TBX10: variants seen among roughly 807,000 people sequenced by gnomAD.
TBX10 encodes T-box transcription factor TBX10.
TBX10 carries 26 observed loss-of-function variants against 32.4 expected under a neutral mutation model. That is an observed-to-expected ratio of 0.80 (90% CI 0.59 to 1.11). The LOEUF is 1.11. Among genes scored for constraint, TBX10 ranks in the 50% most tolerant of loss-of-function variants. The pLI is 0.00. For missense variants in TBX10, 490 were observed against 494.5 expected, an observed-to-expected ratio of 0.99 and a Z score of 0.09; for synonymous variants, 195 against 203.1, an observed-to-expected ratio of 0.96 and a Z score of 0.34.
At chr11:67,634,072 C>T in intron 4 of TBX10, 117 bp downstream of exon 4, 1 of 1,487,370 alleles carries the variant, frequency 6.7e-7, no homozygotes, top group African/African-American at 1.4e-5. Context: ...CGGCTCCCCG[C>T]CCTGCCTTGA....
chr11:67,634,671 T>C (rs1667648568), intron 3 of TBX10, 145 bp downstream of exon 3: 7 of 926,672 alleles, frequency 7.6e-6, no homozygotes, highest in Non-Finnish European at 1.2e-5. Context: ...CAGGCTGTTG[T>C]TGCGTGTCTG....
rs1000072502 is a variant in TBX10, at chr11:67,634,329, C to T, written c.409G>A (p.Ala137Thr). 2.5e-6 allele frequency: 4 copies of T among 1,606,762 alleles called. No homozygotes were observed. Among genetic ancestry groups the T allele is most frequent in the Non-Finnish European group, 3.4e-6 (4 of 1,179,830 alleles). Reference sequence around the variant, plus strand: ...GGTGTGGCTGGGTCTGCCTTGCCCGCCACCAGCCAGGCCGAGCTGTGGAAG... The same window carrying T: ...GGTGTGGCTGGGTCTGCCTTGCCCGTCACCAGCCAGGCCGAGCTGTGGAAG... ...YAFHSSAWLV[A>T]GKADPATPGR... The change falls in exon 4 of 8, where the codon GCG (alanine) becomes ACG (threonine). Residue 137 changes from alanine to threonine, a missense_variant. Coordinates refer to ENST00000335385, the MANE Select transcript of TBX10 (RefSeq NM_005995.5).
In TBX10 at chr11:67,632,984, G is replaced by A; in HGVS notation, c.669C>T (p.Thr223=). 6.2e-7 allele frequency: 1 copy of A among 1,614,214 alleles called. No homozygotes were observed. The highest frequency in any genetic ancestry group is 1.3e-5 in the African/African-American group (1 of 75,064). Residue 223 remains threonine, a synonymous_variant, in exon 5 of 8, where the codon ACC becomes ACT. Transcript: ENST00000335385. ...ENFKSFIFTE[T]QFTAVTAYQN... ...GATAGGCTGTCACTGCTGTGAACTG[G>A]GTCTCTGTGAAGATGAAGGACTTGA... is the stretch of plus-strand genomic sequence containing the variant.
chr11:67,641,634 G>A (rs1855407936), upstream of TBX10, among the ~76,000 whole-genome samples: 1 of 152,206 alleles, frequency 6.6e-6, no homozygotes, highest in Non-Finnish European at 1.5e-5. Context: ...CAGGGTGGGG[G>A]TGTAGAGGGC....
chr11:67,638,440 C>T (rs1227011360), intron 1 of TBX10, among the ~76,000 whole-genome samples: 1 of 152,090 alleles, frequency 6.6e-6, no homozygotes, highest in Non-Finnish European at 1.5e-5. Context: ...TGTCCCCACC[C>T]GAGTGGCTTT....
intron 1 of TBX10, 30 bp downstream of exon 1, chr11:67,639,436 A>G (rs1245350079): frequency 4.1e-6 from 6 of 1,476,174 alleles, no homozygotes; most frequent in Non-Finnish European, 5.4e-6. Flanking sequence ...CTGACCCATG[A>G]GGCCACCTCT....
chr11:67,631,496 C>A lies in TBX10; in HGVS notation c.*109G>T, dbSNP rs1218135019. ...CCTCTTTCTCTAGACTTTCACCTAC[C>A]CTGCTCTCCTTGAGACAGAGATGGG... is the stretch of plus-strand genomic sequence containing the variant. On this transcript the variant is annotated 3_prime_UTR_variant, in exon 8 of 8. Coordinates refer to ENST00000335385, the MANE Select transcript of TBX10 (RefSeq NM_005995.5). The A allele has an allele frequency of 2.1e-6, 3 of 1,411,254 alleles. No homozygotes were observed. Among genetic ancestry groups the A allele is most frequent in the African/African-American group, 2.8e-5 (2 of 70,688 alleles). The allele number at this position is 1,411,254 out of a possible 1,614,324, so 87.4% of individuals were successfully genotyped here.
At position 67,631,827 on chromosome 11, in the gene TBX10, T is replaced by G. The variant is rs1591122602; in HGVS notation, c.936A>C (p.Pro312=). The G allele has an allele frequency of 6.3e-7, 1 of 1,584,062 alleles. No individual in the cohort carries two copies. The highest frequency in any genetic ancestry group is 8.6e-7 in the Non-Finnish European group (1 of 1,165,756). The part of the protein sequence containing the change: ...PAWLHHQLLP[P]PEVLLAPATY... ...TGGCCGGGGCCAGCAGGACCTCAGG[T>G]GGGGGCAGCAGCTGATGATGGAGCC... is the stretch of plus-strand genomic sequence containing the variant. Residue 312 remains proline (P), a synonymous_variant, in exon 8 of 8, where the codon CCA becomes CCC. Transcript: ENST00000335385.
rs1426519113 is a variant in TBX10 at position 67,631,726 on chromosome 11, G to A, written c.1037C>T (p.Ala346Val). ...CCGGATGTTGGGGAGGGGGTATGGT[G>A]CTGGTCGGGTCCTTGGGATCCCTAG... is the stretch of plus-strand genomic sequence containing the variant. ...SHLGIPRTRP[A>V]PYPLPNIRAD... Residue 346 changes from alanine to valine, a missense_variant, in exon 8 of 8, where the codon GCA (alanine) becomes GTA (valine). Physicochemically the swap from Ala to Val is moderately conservative, Grantham distance 64. Transcript: ENST00000335385. The A allele has an allele frequency of 6.2e-7, 1 of 1,610,212 alleles. No individual in the cohort carries two copies. The highest frequency in any genetic ancestry group is 8.5e-7 in the Non-Finnish European group (1 of 1,178,678).
chr11:67,633,986 C>T (rs1002230878), intron 4 of TBX10, among the ~76,000 whole-genome samples: 1 of 151,940 alleles, frequency 6.6e-6, no homozygotes, highest in South Asian at 2.1e-4. Context: ...AACATTCCCC[C>T]GCCCCCACCC....
At chr11:67,632,026 C>G (rs1855244817) in intron 7 of TBX10, 132 bp from the exon 8 acceptor site, 1 of 1,336,576 alleles carries the variant, frequency 7.5e-7, no homozygotes, top group Non-Finnish European at 1.0e-6. Context: ...GCTTTTCCCT[C>G]TGCCTGGAAT....
At chr11:67,638,671 C>A (rs1242266827) in intron 1 of TBX10, among the ~76,000 whole-genome samples, 1 of 152,178 alleles carries the variant, frequency 6.6e-6, no homozygotes, top group Non-Finnish European at 1.5e-5. Flanking sequence ...CCTCAGCAGC[C>A]CTGAGAGCTG....
intron 1 of TBX10, 118 bp downstream of exon 1, chr11:67,639,348 C>T: frequency 1.4e-6 from 2 of 1,465,816 alleles, no homozygotes; most frequent in South Asian, 2.4e-5. Flanking sequence ...GTGCCCCTGC[C>T]CCACCCTCTT....
intron 3 of TBX10, 146 bp downstream of exon 3, chr11:67,634,670 G>C (rs1855296041): frequency 7.6e-6 from 7 of 924,268 alleles, no homozygotes; most frequent in Non-Finnish European, 1.2e-5. Flanking sequence ...TCAGGCTGTT[G>C]TTGCGTGTCT....
rs1176047317 is a variant in TBX10 at position 67,634,833 on chromosome 11, CA to C, written c.359del (p.Leu120ArgfsTer54). ...CCCCGCACCTGTATCTCTTGTCGTC[CA>C]GGGGGATGAAGTCCATGAGCAGGGC... ...DYALLMDFIP[L>X]DDKRYRYAFH... On this transcript the variant is annotated frameshift_variant, in exon 3 of 8. Coordinates refer to ENST00000335385, the MANE Select transcript of TBX10 (RefSeq NM_005995.5). LOFTEE classifies it high-confidence loss of function. 2 of 1,613,510 alleles carry C rather than the reference CA, an allele frequency of 1.2e-6. No individual in the cohort carries two copies. Among genetic ancestry groups the C allele is most frequent in the South Asian group, 1.1e-5 (1 of 91,088 alleles).
chr11:67,637,620 C>G (rs1855348888), intron 1 of TBX10, among the ~76,000 whole-genome samples: 1 of 152,106 alleles, frequency 6.6e-6, no homozygotes, highest in South Asian at 2.1e-4. Flanking sequence ...AAAACACCTT[C>G]AAATAAGGAA....
upstream of TBX10, among the ~76,000 whole-genome samples, chr11:67,640,439 CAT>C (rs1196671967): frequency 2.6e-5 from 4 of 152,230 alleles, no homozygotes; most frequent in Non-Finnish European, 5.9e-5. Flanking sequence ...CCCATCTGGA[CAT>C]GAGTGGAAAC....
At chr11:67,639,393 T>TTCCCCCCCCCCCCCCCCCCCC in intron 1 of TBX10, 73 bp downstream of exon 1, 11 of 726,910 alleles carry the variant, frequency 1.5e-5, no homozygotes, top group East Asian at 2.7e-5. Context: ...CTGTCTTGGT[T>TTCCCCCCCCCCCCCCCCCCCC]CCCACCCTGC....
chr11:67,635,192 AG>A lies in TBX10; in HGVS notation c.78del (p.Trp27GlyfsTer39). 1 of 1,613,876 alleles carries A rather than the reference AG, an allele frequency of 6.2e-7. No individual in the cohort carries two copies. Among genetic ancestry groups the A allele is most frequent in the Non-Finnish European group, 8.5e-7 (1 of 1,180,028 alleles). ...AATGGTGACCCCAGCCGGGGCTCCC[AG>A]CCAGAGCTGGTTGTAGGTAGGGGGT... is the stretch of plus-strand genomic sequence containing the variant. ...ETYPLPTTSS[G>X]WEPRLGSPFP... On this transcript the variant is annotated frameshift_variant, in exon 2 of 8. Transcript: ENST00000335385. LOFTEE classifies it high-confidence loss of function.
Sources: allele counts gnomAD v4.1 joint callset (sites outside exome capture counted in the v4.1 genomes callset), GRCh38; gene constraint gnomAD v4.1.1; transcripts MANE v1.5; gene names NCBI Gene and HGNC (gene_info 2026-07-23, HGNC 2026-07-21).